Variants in PTPRJ observed in about 807,000 individuals in gnomAD.
PTPRJ encodes the protein receptor-type tyrosine-protein phosphatase eta.
Under a neutral mutation model 141.3 loss-of-function variants are expected in PTPRJ, and 129 were observed. The observed-to-expected ratio is 0.91, with a 90% CI of 0.79 to 1.06. The LOEUF is 1.06. Ranked by LOEUF, PTPRJ falls within the 50% of genes least tolerant of loss-of-function variation. The pLI is 0.00. For synonymous variants in PTPRJ, 610 were observed against 640.5 expected, an observed-to-expected ratio of 0.95 and a Z score of 0.72; for missense variants, 1,601 against 1,679.7, an observed-to-expected ratio of 0.95 and a Z score of 0.82.
At chr11:48,139,909 C>G (rs1857193748) in intron 11 of PTPRJ, 133 bp downstream of exon 11, 1 of 919,666 alleles carries the variant, frequency 1.1e-6, no homozygotes, top group Non-Finnish European at 1.6e-6. Flanking sequence ...TTTGCTTTTA[C>G]TGACATAGAC....
At chr11:48,013,257 T>G (rs892850236) in intron 1 of PTPRJ, among the ~76,000 whole-genome samples, 1 of 152,114 alleles carries the variant, frequency 6.6e-6, no homozygotes, top group Non-Finnish European at 1.5e-5. Context: ...GGAATGGGCA[T>G]TTAGAACTAG....
chr11:48,129,322 G>C (rs562207300), intron 7 of PTPRJ, among the ~76,000 whole-genome samples: 18 of 152,272 alleles, frequency 1.2e-4, no homozygotes, highest in Admixed American at 9.8e-4. Context: ...CGGCAGGTGT[G>C]GTTTCTTCTG....
chr11:48,087,779 G>A (rs1855754833), intron 1 of PTPRJ, among the ~76,000 whole-genome samples: 1 of 152,192 alleles, frequency 6.6e-6, no homozygotes, highest in South Asian at 2.1e-4. Context: ...TACCCAAGGG[G>A]TTCACGGGAG....
At chr11:48,162,116 C>G (rs2134387598) in intron 22 of PTPRJ, among the ~76,000 whole-genome samples, 2 of 152,216 alleles carry the variant, frequency 1.3e-5, no homozygotes, top group South Asian at 4.1e-4. Flanking sequence ...TCCACTAAAG[C>G]CTTGTTTTGT....
intron 1 of PTPRJ, among the ~76,000 whole-genome samples, chr11:48,102,140 A>G (rs1288665951): frequency 6.6e-6 from 1 of 152,194 alleles, no homozygotes; most frequent in Non-Finnish European, 1.5e-5. Flanking sequence ...GGAATGGACA[A>G]AAAGATGGAA....
intron 1 of PTPRJ, among the ~76,000 whole-genome samples, chr11:48,086,184 A>T (rs764472957): frequency 2.0e-5 from 3 of 152,144 alleles, no homozygotes; most frequent in Non-Finnish European, 2.9e-5. Flanking sequence ...ATTTAAAAAA[A>T]ATTTTTTTTT....
chr11:48,123,592 C>A, intron 4 of PTPRJ, 21 bp from the exon 5 acceptor site: 1 of 1,606,882 alleles, frequency 6.2e-7, no homozygotes, highest in East Asian at 2.2e-5. Context: ...TCCATTAATG[C>A]ATGTTGTATT....
At chr11:47,994,933 G>T (rs1490976375) in intron 1 of PTPRJ, among the ~76,000 whole-genome samples, 2 of 152,068 alleles carry the variant, frequency 1.3e-5, no homozygotes, top group Non-Finnish European at 2.9e-5. Context: ...GGGGGTGTGA[G>T]AGCGCTCCTT....
intron 1 of PTPRJ, among the ~76,000 whole-genome samples, chr11:48,016,897 C>G (rs966322632): frequency 2.0e-5 from 3 of 151,772 alleles, no homozygotes; most frequent in Non-Finnish European, 2.9e-5. Flanking sequence ...GAGCAGGGAC[C>G]GTCTATTATT....
At chr11:48,024,957 A>G (rs1853767758) in intron 1 of PTPRJ, among the ~76,000 whole-genome samples, 3 of 152,260 alleles carry the variant, frequency 2.0e-5, no homozygotes, top group Admixed American at 6.5e-5. Context: ...GTAAAGGTAT[A>G]TTAAATTTCT....
intron 1 of PTPRJ, among the ~76,000 whole-genome samples, chr11:47,987,206 C>G (rs1330453723): frequency 2.0e-5 from 3 of 150,812 alleles, no homozygotes; most frequent in Non-Finnish European, 4.4e-5. Flanking sequence ...GAGACCCTGT[C>G]TCAAAAAGAA....
At chr11:48,115,638 C>T (rs969515471) in intron 3 of PTPRJ, among the ~76,000 whole-genome samples, 1 of 152,104 alleles carries the variant, frequency 6.6e-6, no homozygotes, top group Non-Finnish European at 1.5e-5. Context: ...AATACACAGT[C>T]AAATTCAGAA....
intron 1 of PTPRJ, among the ~76,000 whole-genome samples, chr11:48,044,001 C>T (rs1854331123): frequency 6.6e-6 from 1 of 152,204 alleles, no homozygotes; most frequent in South Asian, 2.1e-4. Flanking sequence ...AGGCATACTC[C>T]TTCACTGTTG....
chr11:48,116,238 T>G (rs1856564240), intron 3 of PTPRJ, among the ~76,000 whole-genome samples: 1 of 152,140 alleles, frequency 6.6e-6, no homozygotes, highest in South Asian at 2.1e-4. Flanking sequence ...AGATACTCCA[T>G]GCTAATGGAA....
chr11:48,136,944 G>A, intron 9 of PTPRJ, 59 bp from the exon 10 acceptor site: 1 of 1,461,546 alleles, frequency 6.8e-7, no homozygotes, highest in South Asian at 1.3e-5. Flanking sequence ...ATAGTAAATA[G>A]TCCTGGAATT....
In PTPRJ at chr11:48,067,886, C is replaced by A. The variant is rs189025934; in HGVS notation, c.97-42172C>A. ...GGCGTGCGCTCCAACACCTCCATAG[C>A]CCTTGGGGACGGGCTTAGTTTCTAA... On this transcript the variant is annotated intron_variant, in intron 1 of 24. Coordinates refer to ENST00000418331, the MANE Select transcript of PTPRJ (RefSeq NM_002843.4). Among the ~76,000 whole-genome samples, 4 of 152,286 alleles carry A rather than the reference C, an allele frequency of 2.6e-5. No individual in the cohort carries two copies. The East Asian group carries it at 7.7e-4, about 29-fold the overall frequency.
chr11:48,061,549 G>A (rs1321893640), intron 1 of PTPRJ, among the ~76,000 whole-genome samples: 4 of 152,140 alleles, frequency 2.6e-5, no homozygotes, highest in Non-Finnish European at 5.9e-5. Flanking sequence ...ATCTCTGTTC[G>A]GTGGATGAGG....
intron 5 of PTPRJ, 69 bp from the exon 6 acceptor site, chr11:48,124,899 C>A: frequency 6.7e-7 from 1 of 1,482,792 alleles, no homozygotes; most frequent in Non-Finnish European, 9.4e-7. Flanking sequence ...GGGGTTGGGG[C>A]TCCGAAGGAA....
At chr11:48,124,042 G>A (rs918949970) in intron 5 of PTPRJ, among the ~76,000 whole-genome samples, 172 bp downstream of exon 5, 1 of 152,210 alleles carries the variant, frequency 6.6e-6, no homozygotes, top group Non-Finnish European at 1.5e-5. Context: ...AAGGAAACGT[G>A]TTCTGATTTT....
Sources: gnomAD v4.1 joint callset for allele counts (sites outside exome capture counted in the v4.1 genomes callset) on GRCh38, gnomAD v4.1.1 for gene constraint, MANE v1.5 for transcripts, NCBI Gene and HGNC (gene_info 2026-07-23, HGNC 2026-07-21) for gene names.